Variants in PRKCE observed in about 807,000 individuals in gnomAD.
PRKCE encodes the protein protein kinase C epsilon type.
PRKCE carries 16 observed loss-of-function variants against 85.4 expected under a neutral mutation model. The ratio of observed to expected loss-of-function variants is 0.19; its 90% CI spans 0.13 to 0.28. The LOEUF (loss-of-function observed/expected upper bound fraction) is 0.28. PRKCE is among the 10% of genes least tolerant of loss of function. PRKCE has a pLI of 1.00. For missense variants in PRKCE, 573 were observed against 975.2 expected, an observed-to-expected ratio of 0.59 and a Z score of 5.49; for synonymous variants, 388 against 371.5, an observed-to-expected ratio of 1.04 and a Z score of -0.51.
intron 11 of PRKCE, among the ~76,000 whole-genome samples, chr2:46,114,046 C>G (rs1278316216): frequency 2.0e-5 from 3 of 152,196 alleles, no homozygotes; most frequent in Non-Finnish European, 4.4e-5. Flanking sequence ...AACACTGCCT[C>G]TCTCTTCACT....
chr2:46,017,824 A>T (rs1368184640), intron 10 of PRKCE, among the ~76,000 whole-genome samples: 1 of 152,188 alleles, frequency 6.6e-6, no homozygotes, highest in Non-Finnish European at 1.5e-5. Context: ...TTTTACAGAT[A>T]AGAAAACCAA....
intron 11 of PRKCE, among the ~76,000 whole-genome samples, chr2:46,096,797 CTG>C (rs1670728771): frequency 6.6e-6 from 1 of 152,182 alleles, no homozygotes; most frequent in East Asian, 1.9e-4. Context: ...CACTTACTAA[CTG>C]TGTAATGCTG....
intron 2 of PRKCE, among the ~76,000 whole-genome samples, chr2:45,861,674 G>A (rs1249566703): frequency 6.6e-6 from 1 of 152,152 alleles, no homozygotes; most frequent in Non-Finnish European, 1.5e-5. Flanking sequence ...CTGTTGGCGA[G>A]AATGAAACTA....
intron 1 of PRKCE, among the ~76,000 whole-genome samples, chr2:45,654,339 G>C (rs1675281701): frequency 1.3e-5 from 2 of 152,374 alleles, no homozygotes; most frequent in South Asian, 4.1e-4. Flanking sequence ...GTGGGAACTT[G>C]TTTGGTTATC....
chr2:45,764,833 A>G (rs1168163934), intron 1 of PRKCE, among the ~76,000 whole-genome samples: 1 of 152,212 alleles, frequency 6.6e-6, no homozygotes, highest in Non-Finnish European at 1.5e-5. Flanking sequence ...TAAACCCATT[A>G]AAATCAACAT....
At chr2:45,933,750 A>G (rs1300228849) in intron 2 of PRKCE, among the ~76,000 whole-genome samples, 1 of 152,132 alleles carries the variant, frequency 6.6e-6, no homozygotes, top group East Asian at 1.9e-4. Context: ...TGCTGGGATT[A>G]CAGGCGTGAG....
intron 1 of PRKCE, among the ~76,000 whole-genome samples, chr2:45,752,832 G>T (rs899614698): frequency 3.9e-5 from 6 of 152,138 alleles, no homozygotes; most frequent in Admixed American, 2.0e-4. Context: ...ACTCCGTGGG[G>T]TTTGCTGAGT....
chr2:45,808,236 G>A (rs989078751), intron 1 of PRKCE, among the ~76,000 whole-genome samples: 1 of 152,020 alleles, frequency 6.6e-6, no homozygotes, highest in African/African-American at 2.4e-5. Flanking sequence ...CATTCAACGT[G>A]TGTTTTACCA....
chr2:46,030,675 G>T (rs769055078), intron 10 of PRKCE, among the ~76,000 whole-genome samples: 3 of 152,200 alleles, frequency 2.0e-5, no homozygotes, highest in Admixed American at 6.5e-5. Flanking sequence ...TAGGATTGCT[G>T]CTATCATAAT....
chr2:45,696,662 C>T (rs541665855), intron 1 of PRKCE, among the ~76,000 whole-genome samples: 2 of 152,246 alleles, frequency 1.3e-5, no homozygotes, highest in South Asian at 2.1e-4. Context: ...GAGTCTGTGG[C>T]GGTAAGCGGA....
rs111427552 is a variant in PRKCE at position 46,177,365 on chromosome 2, C to G, written c.2068-7370C>G. 6.1e-3 allele frequency among the ~76,000 whole-genome samples: 932 copies of G among 152,350 alleles called. 12 individuals carry two copies. Among genetic ancestry groups the G allele is most frequent in the African/African-American group, 0.02 (842 of 41,588 alleles). ...AAGTACCAAAACCTGGGTGGCTTAT[C>G]TAACAACAGAAATTTATGATCTCAT... On this transcript the variant is annotated intron_variant, in intron 14 of 14. Coordinates refer to ENST00000306156, the MANE Select transcript of PRKCE (RefSeq NM_005400.3).
In PRKCE at chr2:45,720,287, G is replaced by A. The variant is rs146456294; in HGVS notation, c.348+67839G>A. On this transcript the variant is annotated intron_variant, in intron 1 of 14. Coordinates refer to ENST00000306156, the MANE Select transcript of PRKCE (RefSeq NM_005400.3). ...AGTTGAGATAAAGTGAAGTGAGTGC[G>A]CTATCATTTCCACCTATCGGTTGGT... 1.1e-4 allele frequency among the ~76,000 whole-genome samples: 17 copies of A among 152,228 alleles called. No homozygotes were observed. In the East Asian group the frequency reaches 2.7e-3, roughly 24 times the overall value.
chr2:45,909,419 C>T (rs1292296666), intron 2 of PRKCE, among the ~76,000 whole-genome samples: 1 of 152,164 alleles, frequency 6.6e-6, no homozygotes, highest in African/African-American at 2.4e-5. Flanking sequence ...TCTCCCCCAT[C>T]CCAAACATTA....
At chr2:45,793,432 A>G (rs1299827931) in intron 1 of PRKCE, among the ~76,000 whole-genome samples, 1 of 152,168 alleles carries the variant, frequency 6.6e-6, no homozygotes, top group East Asian at 1.9e-4. Context: ...GACTCCCCCA[A>G]ATCCTGCTCT....
intron 11 of PRKCE, among the ~76,000 whole-genome samples, chr2:46,109,468 G>A (rs1672052538): frequency 6.6e-6 from 1 of 152,022 alleles, no homozygotes; most frequent in Non-Finnish European, 1.5e-5. Context: ...GTGTGCTACT[G>A]AAAACGATAT....
At chr2:45,782,869 C>T (rs1558665990) in intron 1 of PRKCE, among the ~76,000 whole-genome samples, 1 of 152,132 alleles carries the variant, frequency 6.6e-6, no homozygotes, top group Non-Finnish European at 1.5e-5. Flanking sequence ...CTTTGTCAGC[C>T]AGTTTTCTCG....
At chr2:45,738,063 G>A (rs929080057) in intron 1 of PRKCE, among the ~76,000 whole-genome samples, 7 of 152,040 alleles carry the variant, frequency 4.6e-5, no homozygotes, top group Admixed American at 1.3e-4. Context: ...TGCTGCAGGC[G>A]ACGCAAACCT....
At chr2:46,135,769 TTTTTA>T (rs1674924491) in intron 11 of PRKCE, among the ~76,000 whole-genome samples, 3 of 135,276 alleles carry the variant, frequency 2.2e-5, no homozygotes, top group Admixed American at 7.7e-5. Flanking sequence ...TTTTTTTTTT[TTTTTA>T]ATGTAGGGGA....
At chr2:45,884,997 A>ATTTTTTTTTTTTT (rs1360794938) in intron 2 of PRKCE, among the ~76,000 whole-genome samples, 3 of 69,626 alleles carry the variant, frequency 4.3e-5, no homozygotes, top group Admixed American at 1.7e-4. Flanking sequence ...ATATATATAT[A>ATTTTTTTTTTTTT]TATATTTGTT....
Sources: allele counts gnomAD v4.1 joint callset (sites outside exome capture counted in the v4.1 genomes callset), GRCh38; gene constraint gnomAD v4.1.1; transcripts MANE v1.5; gene names NCBI Gene and HGNC (gene_info 2026-07-23, HGNC 2026-07-21).